The following CNPY2 variants were observed in gnomAD, a reference collection of about 807,000 sequenced individuals.
CNPY2 encodes protein canopy homolog 2.
In CNPY2, 19 loss-of-function variants were observed where a neutral mutation model predicts 25.5. The observed-to-expected ratio is 0.74, with a 90% CI of 0.52 to 1.09. The LOEUF (loss-of-function observed/expected upper bound fraction) is 1.09, where lower values mean the gene tolerates loss of function less well. Ranked by LOEUF, CNPY2 falls within the 50% of genes least tolerant of loss-of-function variation. The pLI is 0.00. For synonymous variants in CNPY2, 82 were observed against 85.0 expected (o/e 0.96, Z 0.19); for missense variants, 214 against 233.6 (o/e 0.92, Z 0.55).
Position 56,311,267 on chromosome 12 carries a change from G to A in CNPY2, c.352C>T (p.Leu118=). 1 of 1,614,200 alleles carries A rather than the reference G, an allele frequency of 6.2e-7. No individual in the cohort carries two copies. The highest frequency in any genetic ancestry group is 1.1e-5 in the South Asian group (1 of 91,084). Reference sequence around the variant, plus strand: ...TCGATTCGGATGCCTTGTAGGTCCAGTTCACTGGATTCTCCATTCCGGCCC... The same window carrying A: ...TCGATTCGGATGCCTTGTAGGTCCAATTCACTGGATTCTCCATTCCGGCCC... ...VVGRNGESSE[L]DLQGIRIDSD... Residue 118 remains leucine, a synonymous_variant, in exon 4 of 6, where the codon CTG becomes TTG. Coordinates refer to ENST00000273308, the MANE Select transcript of CNPY2 (RefSeq NM_014255.7).
chr12:56,311,130 A>G, intron 4 of CNPY2, 76 bp from the exon 5 acceptor site: 1 of 1,603,128 alleles, frequency 6.2e-7, no homozygotes, highest in East Asian at 2.2e-5. Context: ...GAGGAGGACA[A>G]GGATATCAGC....
At position 56,309,978 on chromosome 12, in the gene CNPY2, T is replaced by C. The variant is rs78819773; in HGVS notation, c.*574A>G. The C allele has an allele frequency of 3.7e-5, 26 of 702,374 alleles. No individual in the cohort carries two copies. The highest frequency in any genetic ancestry group is 3.4e-5 in the Non-Finnish European group (13 of 384,826). The allele number at this position is 702,374 out of a possible 1,614,324, so 43.5% of individuals were successfully genotyped here. On this transcript the variant is annotated 3_prime_UTR_variant, in exon 6 of 6. Transcript: ENST00000273308. ...ATAAAGCCCTTACTTTTCAGCTGAG[T>C]TGGTCACATCCATTTTCCCCTTCCT...
In CNPY2 at chr12:56,310,480, T is replaced by G. The variant is rs973658718; in HGVS notation, c.*72A>C. The G allele has an allele frequency of 3.6e-5, 51 of 1,428,516 alleles. No homozygotes were observed. The highest frequency in any genetic ancestry group is 4.4e-5 in the Non-Finnish European group (45 of 1,012,170). 88.5% of individuals were successfully genotyped at this position (1,428,516 alleles called of 1,614,324 possible). A position where few individuals can be genotyped will look rare whatever the true frequency, so the allele number is the denominator to read the frequency against. ...AGTTAATTTCAGTAAAAACATAATA[T>G]ATAAAAGGCATTGCCACCATTTTCC... On this transcript the variant is annotated 3_prime_UTR_variant, in exon 6 of 6. Coordinates refer to ENST00000273308, the MANE Select transcript of CNPY2 (RefSeq NM_014255.7).
chr12:56,313,405 G>A (rs999491724), intron 3 of CNPY2, among the ~76,000 whole-genome samples: 5 of 151,750 alleles, frequency 3.3e-5, no homozygotes, highest in African/African-American at 7.3e-5. Context: ...CAGGAGAATC[G>A]CTTGAACCCG....
At position 56,311,431 on chromosome 12, in the gene CNPY2, C is replaced by A; in HGVS notation, c.205-17G>T. On this transcript the variant is annotated splice_polypyrimidine_tract_variant and intron_variant, in intron 3 of 5. Coordinates refer to ENST00000273308, the MANE Select transcript of CNPY2 (RefSeq NM_014255.7). ...ATAAGGCACCTAGAAATGTCCTCAG[C>A]CTTGGGTCACTCTCTTCTACCTCTG... is the stretch of plus-strand genomic sequence containing the variant. The A allele has an allele frequency of 6.2e-7, 1 of 1,613,060 alleles. No individual in the cohort carries two copies. Among genetic ancestry groups the A allele is most frequent in the South Asian group, 1.1e-5 (1 of 91,052 alleles).
chr12:56,311,050 TCA>T lies in CNPY2; in HGVS notation c.411_412del (p.Cys137Ter), dbSNP rs1358835547. On this transcript the variant is annotated stop_gained and frameshift_variant and splice_region_variant, in exon 5 of 6. Transcript: ENST00000273308. LOFTEE classifies it high-confidence loss of function. The stretch of plus-strand genomic sequence containing the variant: ...ATCCTCGTATTCCTCCACAATGCTC[TCA>T]CACTGCCAACCCAAGGGAGAAATGG... 6.2e-7 allele frequency: 1 copy of T among 1,613,954 alleles called. No individual in the cohort carries two copies. Among genetic ancestry groups the T allele is most frequent in the Non-Finnish European group, 8.5e-7 (1 of 1,180,006 alleles).
upstream of CNPY2, chr12:56,316,289 G>A (rs1207864955): frequency 6.6e-6 from 1 of 152,612 alleles, no homozygotes; most frequent in African/African-American, 2.4e-5. Flanking sequence ...CAGCCCAGGT[G>A]GGCTAGGACC....
chr12:56,315,308 A>G (rs988304897), intron 1 of CNPY2, 66 bp from the exon 2 acceptor site: 30 of 895,646 alleles, frequency 3.3e-5, no homozygotes, highest in East Asian at 9.9e-5. Context: ...GACCCCCCCA[A>G]TCCTCACCCC....
At chr12:56,310,745 G>T in intron 5 of CNPY2, 150 bp from the exon 6 acceptor site, 1 of 896,482 alleles carries the variant, frequency 1.1e-6, no homozygotes, top group Non-Finnish European at 1.8e-6. Flanking sequence ...CATCCCCACT[G>T]TCCTCTCACC....
chr12:56,314,571 G>A (rs1873826451), intron 3 of CNPY2: 4 of 1,314,612 alleles, frequency 3.0e-6, no homozygotes, highest in Non-Finnish European at 3.9e-6. Context: ...GTATACCACA[G>A]TGCTACATTA....
rs79116998 is a variant in CNPY2, at chr12:56,310,001, C to T, written c.*551G>A. On this transcript the variant is annotated 3_prime_UTR_variant, in exon 6 of 6. Coordinates refer to ENST00000273308, the MANE Select transcript of CNPY2 (RefSeq NM_014255.7). ...AGTTGGTCACATCCATTTTCCCCTT[C>T]CTGTCTCTGTTCTTGCTGGTCCCTC... 784 of 702,322 alleles carry T rather than the reference C, an allele frequency of 1.1e-3. 1 individual carries two copies. Among genetic ancestry groups the T allele is most frequent in the Non-Finnish European group, 1.8e-3 (679 of 384,798 alleles). The allele number at this position is 702,322 out of a possible 1,614,324, so 43.5% of individuals were successfully genotyped here.
intron 3 of CNPY2, 152 bp from the exon 4 acceptor site, chr12:56,311,566 T>G (rs926042383): frequency 1.2e-6 from 1 of 855,626 alleles, no homozygotes; most frequent in Non-Finnish European, 1.9e-6. Flanking sequence ...TTGTTTGTTT[T>G]TTGAGATGGG....
intron 1 of CNPY2, 35 bp from the exon 2 acceptor site, chr12:56,315,277 G>A (rs547511417): frequency 2.6e-4 from 349 of 1,334,984 alleles, no homozygotes; most frequent in Non-Finnish European, 3.5e-4. Flanking sequence ...TAAGTGTGAG[G>A]AGCCGACTCC....
rs903169718 is a variant in CNPY2, at chr12:56,310,180, G to T, written c.*372C>A. 6.6e-6 allele frequency: 4 copies of T among 605,930 alleles called. No homozygotes were observed. In the African/African-American group the frequency reaches 7.4e-5, roughly 11 times the overall value. The allele number at this position is 605,930 out of a possible 1,614,324, so 37.5% of individuals were successfully genotyped here. ...TATGTTCCCCTGCTTCCTCATGGAG[G>T]TTCCTCTATTCTCCACAATTAGACT... On this transcript the variant is annotated 3_prime_UTR_variant, in exon 6 of 6. Transcript: ENST00000273308.
rs937524301 is a variant in CNPY2 at position 56,310,513 on chromosome 12, G to A, written c.*39C>T. ...GCATTGCCACCATTTTCCCCTCCTG[G>A]GGGTGATCCATCAAGCCAGTGTGGG... On this transcript the variant is annotated 3_prime_UTR_variant, in exon 6 of 6. Coordinates refer to ENST00000273308, the MANE Select transcript of CNPY2 (RefSeq NM_014255.7). 20 of 1,606,930 alleles carry A rather than the reference G, an allele frequency of 1.2e-5. No homozygotes were observed. In the Admixed American group the frequency reaches 1.8e-4, roughly 15 times the overall value.
chr12:56,310,618 A>T, intron 5 of CNPY2, 23 bp from the exon 6 acceptor site: 1 of 1,614,026 alleles, frequency 6.2e-7, no homozygotes, highest in Non-Finnish European at 8.5e-7. Flanking sequence ...AACAATTTAA[A>T]GGAATATGCC....
At position 56,310,496 on chromosome 12, in the gene CNPY2, A is replaced by G; in HGVS notation, c.*56T>C. The G allele has an allele frequency of 1.9e-5, 30 of 1,564,348 alleles. No homozygotes were observed. The highest frequency in any genetic ancestry group is 2.6e-5 in the Non-Finnish European group (30 of 1,135,166). On this transcript the variant is annotated 3_prime_UTR_variant, in exon 6 of 6. Coordinates refer to ENST00000273308, the MANE Select transcript of CNPY2 (RefSeq NM_014255.7). ...AACATAATATATAAAAGGCATTGCC[A>G]CCATTTTCCCCTCCTGGGGGTGATC...
intron 3 of CNPY2, chr12:56,312,890 G>A (rs570338746): frequency 6.6e-6 from 1 of 152,212 alleles, no homozygotes; most frequent in South Asian, 2.1e-4. Context: ...ACAATTCTAA[G>A]AAACAAGACA....
chr12:56,315,241 A>C lies in CNPY2; in HGVS notation c.-24T>G. 1 of 1,595,366 alleles carries C rather than the reference A, an allele frequency of 6.3e-7. No homozygotes were observed. The highest frequency in any genetic ancestry group is 1.1e-5 in the South Asian group (1 of 90,648). ...ATCTTTAGCGTAATGGGGTCGCTCC[A>C]CCTGGGTTTGAGTGGGAATAAAACA... is the stretch of plus-strand genomic sequence containing the variant. On this transcript the variant is annotated splice_region_variant and 5_prime_UTR_variant, in exon 2 of 6. Coordinates refer to ENST00000273308, the MANE Select transcript of CNPY2 (RefSeq NM_014255.7).
Sources: gnomAD v4.1 joint callset for allele counts (sites outside exome capture counted in the v4.1 genomes callset) on GRCh38, gnomAD v4.1.1 for gene constraint, MANE v1.5 for transcripts, NCBI Gene and HGNC (gene_info 2026-07-23, HGNC 2026-07-21) for gene names.